ATP8A2: variants seen among roughly 807,000 people sequenced by gnomAD.
The protein encoded by ATP8A2 is phospholipid-transporting ATPase IB.
Under a neutral mutation model 165.6 loss-of-function variants are expected in ATP8A2, and 100 were observed. That is an observed-to-expected ratio of 0.60 (90% CI 0.51 to 0.71). The LOEUF (loss-of-function observed/expected upper bound fraction) is 0.71. Ranked by LOEUF, ATP8A2 falls within the 30% of genes least tolerant of loss-of-function variation. The pLI, the probability that ATP8A2 is intolerant of heterozygous loss-of-function variation, is 0.00. For missense variants in ATP8A2, 1,227 were observed against 1,479.5 expected, an observed-to-expected ratio of 0.83 and a Z score of 2.80; for synonymous variants, 543 against 548.8, an observed-to-expected ratio of 0.99 and a Z score of 0.15.
intron 28 of ATP8A2, among the ~76,000 whole-genome samples, chr13:25,830,642 A>C (rs776489878): frequency 2.7e-4 from 41 of 152,350 alleles, no homozygotes; most frequent in Non-Finnish European, 5.6e-4. Flanking sequence ...AAATAGAAAT[A>C]TAGAGAAAAG....
At chr13:25,436,652 T>C (rs1259597814) in intron 1 of ATP8A2, among the ~76,000 whole-genome samples, 1 of 152,194 alleles carries the variant, frequency 6.6e-6, no homozygotes, top group Non-Finnish European at 1.5e-5. Context: ...TGAATGGTAG[T>C]TCTGTTTTAA....
chr13:25,868,221 T>G (rs565007567), intron 33 of ATP8A2: 57 of 411,260 alleles, frequency 1.4e-4, no homozygotes, highest in South Asian at 9.6e-4. Context: ...ACAGATTGGT[T>G]TAAGGAGCTG....
At chr13:25,999,637 G>A (rs1259299989) in intron 35 of ATP8A2, among the ~76,000 whole-genome samples, 1 of 152,144 alleles carries the variant, frequency 6.6e-6, no homozygotes, top group African/African-American at 2.4e-5. Flanking sequence ...GCACGGCGAG[G>A]TCACCTTAAA....
At chr13:25,704,823 T>C (rs1487011320) in intron 25 of ATP8A2, among the ~76,000 whole-genome samples, 1 of 152,230 alleles carries the variant, frequency 6.6e-6, no homozygotes, top group African/African-American at 2.4e-5. Context: ...ATGTTGTCTG[T>C]GGTCTCAGCT....
At chr13:25,567,255 G>A in intron 16 of ATP8A2, 1 of 455,346 alleles carries the variant, frequency 2.2e-6, no homozygotes, top group Admixed American at 2.4e-5. Context: ...TCTTGAGCCT[G>A]TCCTCTGTTG....
Position 25,828,299 on chromosome 13 carries a change from C to A in ATP8A2, c.2754+107C>A. ...TGTATCTGAGTCAATCATCTGTATA[C>A]TTAGCAGGCAGCACAAATACATCTT... On this transcript the variant is annotated intron_variant, in intron 28 of 36. Coordinates refer to ENST00000381655, the MANE Select transcript of ATP8A2 (RefSeq NM_016529.6). 1.0e-5 allele frequency: 10 copies of A among 956,220 alleles called. No homozygotes were observed. The South Asian group carries it at 1.4e-4, about 13-fold the overall frequency. The allele number at this position is 956,220 out of a possible 1,614,324, so 59.2% of individuals were successfully genotyped here. A position where few individuals can be genotyped will look rare whatever the true frequency, so the allele number is the denominator to read the frequency against.
rs542105686 is a variant in ATP8A2 at position 25,390,230 on chromosome 13, G to A, written c.76+17942G>A. Among the ~76,000 whole-genome samples the A allele has an allele frequency of 2.6e-5, 4 of 152,212 alleles. No individual in the cohort carries two copies. In the East Asian group the frequency reaches 5.8e-4, roughly 22 times the overall value. On this transcript the variant is annotated intron_variant, in intron 1 of 36. Coordinates refer to ENST00000381655, the MANE Select transcript of ATP8A2 (RefSeq NM_016529.6). ...GCTGGTCTTGAACTCCTGACCTCAA[G>A]TGATCCACCCACCTCGGCCTCCCAA...
intron 35 of ATP8A2, among the ~76,000 whole-genome samples, chr13:25,996,222 T>C (rs1427788992): frequency 6.6e-6 from 1 of 152,222 alleles, no homozygotes; most frequent in Non-Finnish European, 1.5e-5. Flanking sequence ...AAATTCACCA[T>C]GTCATTCTGT....
intron 25 of ATP8A2, 114 bp from the exon 26 acceptor site, chr13:25,768,932 T>G (rs1180501511): frequency 1.2e-5 from 12 of 969,858 alleles, no homozygotes; most frequent in Middle Eastern, 2.1e-4. Context: ...AAAATGGATG[T>G]ATTGAATTTG....
chr13:25,775,998 TA>T (rs1342286168), intron 27 of ATP8A2, among the ~76,000 whole-genome samples: 5 of 152,216 alleles, frequency 3.3e-5, no homozygotes, highest in Non-Finnish European at 7.3e-5. Context: ...ACACATCTGG[TA>T]ACTAAACTAC....
chr13:25,503,900 G>A (rs1459965331), intron 2 of ATP8A2, among the ~76,000 whole-genome samples: 1 of 152,160 alleles, frequency 6.6e-6, no homozygotes, highest in Non-Finnish European at 1.5e-5. Flanking sequence ...AGCCAAACAA[G>A]GTATGTAGAT....
At chr13:25,633,402 C>A (rs2041293792) in intron 24 of ATP8A2, among the ~76,000 whole-genome samples, 1 of 152,176 alleles carries the variant, frequency 6.6e-6, no homozygotes, top group African/African-American at 2.4e-5. Context: ...GAACAGCTTA[C>A]TTTTCAGCCT....
intron 27 of ATP8A2, among the ~76,000 whole-genome samples, chr13:25,785,662 A>G (rs2045005745): frequency 6.6e-6 from 1 of 152,184 alleles, no homozygotes; most frequent in Admixed American, 6.5e-5. Context: ...AGAGCCACTG[A>G]TCGTGCCTTT....
intron 25 of ATP8A2, among the ~76,000 whole-genome samples, chr13:25,721,585 C>A (rs1221214953): frequency 6.6e-6 from 1 of 152,178 alleles, no homozygotes; most frequent in South Asian, 2.1e-4. Context: ...AAACAGGTAA[C>A]CTGGTACACT....
intron 1 of ATP8A2, among the ~76,000 whole-genome samples, chr13:25,382,423 G>A (rs2137929492): frequency 6.6e-6 from 1 of 152,302 alleles, no homozygotes; most frequent in Non-Finnish European, 1.5e-5. Flanking sequence ...GTGGACATAA[G>A]TTTTCACGTC....
At chr13:25,518,475 C>T (rs2037550318) in intron 2 of ATP8A2, among the ~76,000 whole-genome samples, 1 of 152,196 alleles carries the variant, frequency 6.6e-6, no homozygotes, top group Admixed American at 6.5e-5. Context: ...TTGTTTTTGA[C>T]TGTCTTTACA....
intron 28 of ATP8A2, among the ~76,000 whole-genome samples, chr13:25,829,162 C>T (rs1566180295): frequency 6.6e-6 from 1 of 152,170 alleles, no homozygotes; most frequent in Non-Finnish European, 1.5e-5. Flanking sequence ...CCCTGTGTAG[C>T]TTGCAGGTTA....
chr13:25,579,341 C>T (rs150561954), intron 21 of ATP8A2, among the ~76,000 whole-genome samples: 9 of 152,338 alleles, frequency 5.9e-5, no homozygotes, highest in African/African-American at 2.2e-4. Flanking sequence ...GAGCCACACT[C>T]AAGTGCTAAC....
intron 33 of ATP8A2, among the ~76,000 whole-genome samples, chr13:25,879,790 G>T (rs552863205): frequency 6.6e-6 from 1 of 152,218 alleles, no homozygotes; most frequent in Non-Finnish European, 1.5e-5. Flanking sequence ...ATAATAGGAG[G>T]AAAATGTCTT....
Sources: allele counts gnomAD v4.1 joint callset (sites outside exome capture counted in the v4.1 genomes callset), GRCh38; gene constraint gnomAD v4.1.1; transcripts MANE v1.5; gene names NCBI Gene and HGNC (gene_info 2026-07-23, HGNC 2026-07-21).